The following XRCC5 variants were observed in gnomAD, a reference collection of about 807,000 sequenced individuals.
XRCC5 encodes DNA repair protein Ku80.
A neutral mutation model predicts 95.7 loss-of-function variants in XRCC5; 12 were observed. The observed-to-expected ratio is 0.13, with a 90% CI of 0.08 to 0.20. XRCC5 has a LOEUF of 0.20. Ranked by LOEUF, XRCC5 falls within the 10% of genes least tolerant of loss-of-function variation. XRCC5 has a pLI of 1.00. For synonymous variants in XRCC5, 281 were observed against 290.3 expected (o/e 0.97, Z 0.33); for missense variants, 595 against 873.9 (o/e 0.68, Z 4.02).
chr2:216,204,699 C>G (rs1443577458), intron 20 of XRCC5, among the ~76,000 whole-genome samples: 2 of 152,174 alleles, frequency 1.3e-5, no homozygotes, highest in African/African-American at 4.8e-5. Flanking sequence ...TTGTAATTCA[C>G]TGAAATTGCT....
chr2:216,158,767 A>T (rs1306556268), intron 14 of XRCC5, among the ~76,000 whole-genome samples: 8 of 152,212 alleles, frequency 5.3e-5, no homozygotes. Context: ...TAATTCATGG[A>T]TGTATGGCTG....
chr2:216,157,642 T>G (rs1196286433), intron 14 of XRCC5, among the ~76,000 whole-genome samples: 1 of 152,240 alleles, frequency 6.6e-6, no homozygotes, highest in African/African-American at 2.4e-5. Context: ...GATGGTATAT[T>G]AATTTTTGTA....
At chr2:216,110,182 T>G (rs1696561521) in intron 1 of XRCC5, among the ~76,000 whole-genome samples, 2 of 152,298 alleles carry the variant, frequency 1.3e-5, no homozygotes, top group South Asian at 4.1e-4. Flanking sequence ...ACCCCTGTGT[T>G]GCTAGAAATC....
intron 16 of XRCC5, among the ~76,000 whole-genome samples, chr2:216,167,445 T>G (rs959199506): frequency 6.6e-6 from 1 of 152,196 alleles, no homozygotes; most frequent in Non-Finnish European, 1.5e-5. Flanking sequence ...GGTATAGCAC[T>G]ATCCCATTTG....
chr2:216,120,200 TC>T (rs1696779980), intron 5 of XRCC5, among the ~76,000 whole-genome samples: 1 of 152,236 alleles, frequency 6.6e-6, no homozygotes, highest in South Asian at 2.1e-4. Flanking sequence ...AAGTGACACT[TC>T]TTACTGAGTT....
At chr2:216,127,789 A>ATTTC in intron 8 of XRCC5, 115 bp downstream of exon 8, 2 of 1,216,878 alleles carry the variant, frequency 1.6e-6, no homozygotes, top group Non-Finnish European at 2.2e-6. Flanking sequence ...AGTTATAGAA[A>ATTTC]TATAACAGTT....
chr2:216,129,705 G>A (rs1696951151), intron 8 of XRCC5, among the ~76,000 whole-genome samples: 1 of 152,168 alleles, frequency 6.6e-6, no homozygotes, highest in Non-Finnish European at 1.5e-5. Context: ...ACGGAGTCTT[G>A]CTCTGTCGCC....
chr2:216,141,377 A>G (rs1483654293), intron 13 of XRCC5, 58 bp downstream of exon 13: 2 of 1,602,308 alleles, frequency 1.2e-6, no homozygotes, highest in African/African-American at 1.3e-5. Context: ...AGCTAAGTGC[A>G]AAGTTGCGGT....
intron 11 of XRCC5, 87 bp from the exon 12 acceptor site, chr2:216,138,002 A>AT (rs1697115477): frequency 8.6e-7 from 1 of 1,166,882 alleles, no homozygotes; most frequent in African/African-American, 1.6e-5. Context: ...TATTTCTGTT[A>AT]TGCTACTTTC....
rs376474996 is a variant in XRCC5, at chr2:216,114,904, A to G, written c.136-1755A>G. ...ACACTACGCATGCGGCCCCCTCTTA[A>G]GCAGTAGCAGGGCTAGTGCGCATGC... is the stretch of plus-strand genomic sequence containing the variant. On this transcript the variant is annotated intron_variant, in intron 2 of 20. Transcript: ENST00000392132. 3.0e-4 allele frequency among the ~76,000 whole-genome samples: 45 copies of G among 152,242 alleles called. No homozygotes were observed. The East Asian group carries it at 5.6e-3, about 19-fold the overall frequency.
At chr2:216,177,166 AC>A (rs1333879432) in intron 16 of XRCC5, among the ~76,000 whole-genome samples, 1 of 152,056 alleles carries the variant, frequency 6.6e-6, no homozygotes, top group East Asian at 1.9e-4. Context: ...ACATGTATTC[AC>A]CTGTTACTAG....
At chr2:216,145,660 T>C (rs1688613769) in intron 13 of XRCC5, among the ~76,000 whole-genome samples, 1 of 152,212 alleles carries the variant, frequency 6.6e-6, no homozygotes, top group Non-Finnish European at 1.5e-5. Flanking sequence ...AAATGTGACC[T>C]TTCAGAAAAT....
chr2:216,118,642 C>T (rs184951223), intron 4 of XRCC5, among the ~76,000 whole-genome samples: 62 of 152,292 alleles, frequency 4.1e-4, no homozygotes, highest in African/African-American at 1.4e-3. Flanking sequence ...CATCCTCTGC[C>T]AAATCTTGCC....
intron 10 of XRCC5, among the ~76,000 whole-genome samples, chr2:216,136,348 CTG>C (rs1472953843): frequency 1.3e-4 from 15 of 117,806 alleles, no homozygotes; most frequent in African/African-American, 4.0e-4. Flanking sequence ...AAGAGCGAAA[CTG>C]TGTCTCAAAA....
chr2:216,193,170 G>A (rs573606175), intron 18 of XRCC5, among the ~76,000 whole-genome samples: 18 of 152,136 alleles, frequency 1.2e-4, no homozygotes, highest in African/African-American at 3.9e-4. Flanking sequence ...TGGACTTTCC[G>A]TTTCAACAGA....
rs1431265282 is a variant in XRCC5, at chr2:216,134,615, A to AT, written c.1113+2228_1113+2229insT. The stretch of plus-strand genomic sequence containing the variant: ...GCTAATTTTTGTATTTTTTGTAGAG[A>AT]AGGGGGTTTCACGATGTTGGCTAGG... On this transcript the variant is annotated intron_variant, in intron 10 of 20. Transcript: ENST00000392132. Among the ~76,000 whole-genome samples, 9 of 150,638 alleles carry AT rather than the reference A, an allele frequency of 6.0e-5. No homozygotes were observed. In the East Asian group the frequency reaches 9.8e-4, roughly 16 times the overall value.
At chr2:216,169,316 C>T (rs1031838618) in intron 16 of XRCC5, among the ~76,000 whole-genome samples, 3 of 152,224 alleles carry the variant, frequency 2.0e-5, no homozygotes, top group African/African-American at 7.2e-5. Context: ...TACAGTTAGA[C>T]CCTGTACATC....
chr2:216,161,870 GTTTTA>G lies in XRCC5; in HGVS notation c.1765-102_1765-98del, dbSNP rs1358879727. ...AGAAAAGCCCTTCTCTTTGTCTTTG[GTTTTA>G]TTTTATAAGAGCACACTTATTACAT... On this transcript the variant is annotated intron_variant, in intron 15 of 20. Transcript: ENST00000392132. 5.5e-6 allele frequency: 5 copies of G among 908,446 alleles called. No homozygotes were observed. In the East Asian group the frequency reaches 1.3e-4, roughly 24 times the overall value. 56.3% of individuals were successfully genotyped at this position (908,446 alleles called of 1,614,324 possible). A position where few individuals can be genotyped will look rare whatever the true frequency, so the allele number is the denominator to read the frequency against.
chr2:216,177,888 A>G (rs1689307698), intron 16 of XRCC5, among the ~76,000 whole-genome samples: 1 of 152,192 alleles, frequency 6.6e-6, no homozygotes, highest in Admixed American at 6.5e-5. Flanking sequence ...AGCAAGACTT[A>G]TACATTGGAA....
Sources: allele counts gnomAD v4.1 joint callset (sites outside exome capture counted in the v4.1 genomes callset), GRCh38; gene constraint gnomAD v4.1.1; transcripts MANE v1.5; gene names NCBI Gene and HGNC (gene_info 2026-07-23, HGNC 2026-07-21).